Variants in RIMBP2 observed in about 807,000 individuals in gnomAD.
RIMBP2 encodes RIMS-binding protein 2.
In RIMBP2, 48 loss-of-function variants were observed where a neutral mutation model predicts 118.6. The observed-to-expected ratio is 0.40, with a 90% CI of 0.32 to 0.51. The LOEUF (loss-of-function observed/expected upper bound fraction) is 0.51, where lower values mean the gene tolerates loss of function less well. Among genes scored for constraint, RIMBP2 ranks in the 20% least tolerant of loss-of-function variants. The pLI is 0.41. For synonymous variants in RIMBP2, 762 were observed against 742.9 expected, an observed-to-expected ratio of 1.03 and a Z score of -0.42; for missense variants, 1,551 against 1,768.3, an observed-to-expected ratio of 0.88 and a Z score of 2.20.
At position 130,679,212 on chromosome 12, in the gene RIMBP2, T is replaced by C. The variant is rs370969985; in HGVS notation, c.-352+37010A>G. On this transcript the variant is annotated intron_variant, in intron 1 of 22. Transcript: ENST00000690449. ...AACGAATGAACACCTGCCTCTCCTATACAATTAGGAAACCCTGCATTTATC... is the reference window on the plus strand; with the variant it reads ...AACGAATGAACACCTGCCTCTCCTACACAATTAGGAAACCCTGCATTTATC... Among the ~76,000 whole-genome samples the C allele has an allele frequency of 6.0e-4, 92 of 152,318 alleles. 1 individual carries two copies. In the South Asian group the frequency reaches 0.019, roughly 31 times the overall value.
At position 130,420,497 on chromosome 12, in the gene RIMBP2, GA is replaced by G. The variant is rs1344392487; in HGVS notation, c.3238+1955del. The stretch of plus-strand genomic sequence containing the variant: ...CAGCCTTTGGAATTCTACGGCTTCA[GA>G]AAAATCCAACCACATTCATCAAAAG... On this transcript the variant is annotated intron_variant, in intron 17 of 22. Transcript: ENST00000690449. This position sits in a 1 kb window ranked among gnomAD's most constrained non-coding sequence, Gnocchi z 4.3. 1.3e-5 allele frequency among the ~76,000 whole-genome samples: 2 copies of G among 152,092 alleles called. No homozygotes were observed. The highest frequency in any genetic ancestry group is 2.9e-5 in the Non-Finnish European group (2 of 68,022).
Position 130,479,002 on chromosome 12 carries a change from C to A in RIMBP2, c.12G>T (p.Ala4=). Residue 4 remains alanine (A), a synonymous_variant, in exon 5 of 23, where the codon GCG becomes GCT. Coordinates refer to ENST00000690449, the MANE Select transcript of RIMBP2 (RefSeq NM_001393629.1). ...ACTGCAGCTGCTGCCGCCGTTCAGC[C>A]GCCTCTCGCATATGCTGTGGGGACA... MRE[A]AERRQQLQLE... The A allele has an allele frequency of 1.9e-6, 3 of 1,613,712 alleles. No individual in the cohort carries two copies. Among genetic ancestry groups the A allele is most frequent in the Non-Finnish European group, 2.5e-6 (3 of 1,179,822 alleles).
chr12:130,438,546 T>C (rs1361824552), intron 11 of RIMBP2, 30 bp from the exon 12 acceptor site: 2 of 1,536,544 alleles, frequency 1.3e-6, no homozygotes, highest in South Asian at 2.5e-5. Flanking sequence ...AACGGAGGCG[T>C]TCAGGGACCA....
intron 2 of RIMBP2, among the ~76,000 whole-genome samples, chr12:130,526,343 A>C (rs1277007008): frequency 6.6e-6 from 1 of 152,200 alleles, no homozygotes; most frequent in Non-Finnish European, 1.5e-5. Context: ...AGACAATGAA[A>C]GGTAACTCCA....
chr12:130,409,522 T>C (rs1359378798), intron 19 of RIMBP2, among the ~76,000 whole-genome samples: 2 of 151,966 alleles, frequency 1.3e-5, no homozygotes, highest in African/African-American at 4.8e-5. Flanking sequence ...TTTTTGTATT[T>C]TTTTGTATAG....
chr12:130,648,725 C>T (rs2063096278), intron 1 of RIMBP2, among the ~76,000 whole-genome samples: 2 of 141,852 alleles, frequency 1.4e-5, no homozygotes, highest in Admixed American at 7.1e-5. Flanking sequence ...GGCGCGATCT[C>T]GGCTCACCGC....
chr12:130,679,468 G>A lies in RIMBP2; in HGVS notation c.-352+36754C>T, dbSNP rs1803609327. Among the ~76,000 whole-genome samples the A allele has an allele frequency of 2.6e-5, 4 of 152,314 alleles. No homozygotes were observed. In the South Asian group the frequency reaches 8.3e-4, roughly 32 times the overall value. ...TTTTTAAACATCCACGTTTGCACAA[G>A]AAAGTTAATCCTTGGTGTCAGAGGT... is the stretch of plus-strand genomic sequence containing the variant. On this transcript the variant is annotated intron_variant, in intron 1 of 22. Transcript: ENST00000690449.
rs569384276 is a variant in RIMBP2, at chr12:130,455,100, G to A, written c.358+1396C>T. 2.0e-5 allele frequency among the ~76,000 whole-genome samples: 3 copies of A among 152,312 alleles called. No homozygotes were observed. In the East Asian group the frequency reaches 5.8e-4, roughly 29 times the overall value. On this transcript the variant is annotated intron_variant, in intron 7 of 22. Coordinates refer to ENST00000690449, the MANE Select transcript of RIMBP2 (RefSeq NM_001393629.1). ...GACCCAAGTCTCAGTGGGTTTCCCA[G>A]AGCAGAAGCCGTGCGTTTCTTGTCG...
Position 130,407,807 on chromosome 12 carries a change from C to A in RIMBP2, c.3612G>T (p.Arg1204Ser), listed in dbSNP as rs2075315769. ...EKIERSRRSGRRHSVSTRRMV... is the reference protein window; with the variant it reads ...EKIERSRRSGSRHSVSTRRMV... ...TTCTCCGCGTCGATACCGAATGACGCCTGCCACTTCTCCTGCTTCTCTCTG... is the reference window on the plus strand; with the variant it reads ...TTCTCCGCGTCGATACCGAATGACGACTGCCACTTCTCCTGCTTCTCTCTG... Residue 1204 changes from arginine (R) to serine (S), a missense_variant, in exon 20 of 23, where the codon AGG becomes AGT. Transcript: ENST00000690449. 6.2e-7 allele frequency: 1 copy of A among 1,614,038 alleles called. No homozygotes were observed. Among genetic ancestry groups the A allele is most frequent in the Non-Finnish European group, 8.5e-7 (1 of 1,179,938 alleles).
intron 15 of RIMBP2, chr12:130,427,892 C>T (rs2076899247): frequency 3.2e-6 from 1 of 308,452 alleles, no homozygotes; most frequent in African/African-American, 2.2e-5. Flanking sequence ...CTTCTTTGTT[C>T]TATTCCCCCC....
intron 1 of RIMBP2, among the ~76,000 whole-genome samples, chr12:130,674,967 C>T (rs1272548576): frequency 6.6e-6 from 1 of 152,188 alleles, no homozygotes; most frequent in South Asian, 2.1e-4. Flanking sequence ...GAATCAGATT[C>T]CATCGTGTGG....
chr12:130,464,486 C>T (rs567953229), intron 6 of RIMBP2, among the ~76,000 whole-genome samples: 3 of 151,996 alleles, frequency 2.0e-5, no homozygotes, highest in Admixed American at 6.6e-5. Flanking sequence ...CTACTATGTG[C>T]CAGGCCCTAC....
Position 130,447,348 on chromosome 12 carries a change from C to T in RIMBP2, c.582-2079G>A, listed in dbSNP as rs887608281. 2.0e-5 allele frequency among the ~76,000 whole-genome samples: 3 copies of T among 151,408 alleles called. No individual in the cohort carries two copies. The highest frequency in any genetic ancestry group is 4.9e-5 in the African/African-American group (2 of 41,180). Reference sequence around the variant, plus strand: ...CTCGTCGGTGCTCCTGCGTGTGGGCCCTGGAGGCCACCCGACCTCGTGGGT... The same window carrying T: ...CTCGTCGGTGCTCCTGCGTGTGGGCTCTGGAGGCCACCCGACCTCGTGGGT... On this transcript the variant is annotated intron_variant, in intron 9 of 22. Coordinates refer to ENST00000690449, the MANE Select transcript of RIMBP2 (RefSeq NM_001393629.1). The surrounding 1 kb of genome is among the most constrained non-coding windows in gnomAD (Gnocchi z 4.4).
At chr12:130,653,236 A>G (rs146859948) in intron 1 of RIMBP2, among the ~76,000 whole-genome samples, 1 of 152,338 alleles carries the variant, frequency 6.6e-6, no homozygotes, top group African/African-American at 2.4e-5. Flanking sequence ...CACGTCGTTT[A>G]CTTCCAAGAT....
chr12:130,427,440 C>T (rs998908973), intron 15 of RIMBP2: 11 of 152,308 alleles, frequency 7.2e-5, no homozygotes, highest in African/African-American at 2.7e-4. Context: ...GTCGGACGCA[C>T]TGGCCAGCAA....
At chr12:130,448,192 A>G (rs2078697114) in intron 9 of RIMBP2, among the ~76,000 whole-genome samples, 1 of 151,918 alleles carries the variant, frequency 6.6e-6, no homozygotes, top group Non-Finnish European at 1.5e-5. Flanking sequence ...GATAAGGAGA[A>G]TGTGCGTGGG....
At chr12:130,477,725 G>A (rs871356) in intron 5 of RIMBP2, among the ~76,000 whole-genome samples, 4,396 of 152,308 alleles carry the variant, frequency 0.029, 214 homozygotes, top group African/African-American at 0.099. Flanking sequence ...ACGCTGCTCC[G>A]GCAGATTCCT....
chr12:130,446,021 C>A lies in RIMBP2; in HGVS notation c.582-752G>T, dbSNP rs935125385. On this transcript the variant is annotated intron_variant, in intron 9 of 22. Transcript: ENST00000690449. The surrounding 1 kb of genome is among the most constrained non-coding windows in gnomAD (Gnocchi z 4.1). ...AAAACAGACGCATGATTTTATGCTCCCCCCCCCCACACCCCCAGGAATATA... is the reference window on the plus strand; with the variant it reads ...AAAACAGACGCATGATTTTATGCTCACCCCCCCCACACCCCCAGGAATATA... Among the ~76,000 whole-genome samples, 5 of 17,334 alleles carry A rather than the reference C, an allele frequency of 2.9e-4. No individual in the cohort carries two copies. In the East Asian group the frequency reaches 3.3e-3, roughly 11 times the overall value. The allele number at this position is 17,334 out of a possible 152,430, so 11.4% of individuals were successfully genotyped here.
At chr12:130,483,348 G>A (rs866764048) in intron 4 of RIMBP2, among the ~76,000 whole-genome samples, 3 of 152,126 alleles carry the variant, frequency 2.0e-5, no homozygotes, top group Admixed American at 6.5e-5. Flanking sequence ...GGGGTCAGGC[G>A]GTCCTAAGTC....
Sources: allele counts gnomAD v4.1 joint callset (sites outside exome capture counted in the v4.1 genomes callset), GRCh38; gene constraint gnomAD v4.1.1; non-coding constraint Gnocchi (gnomAD v3.1); transcripts MANE v1.5; gene names NCBI Gene and HGNC (gene_info 2026-07-23, HGNC 2026-07-21).